BAZ1A: variants seen among roughly 807,000 people sequenced by gnomAD.
BAZ1A encodes the protein bromodomain adjacent to zinc finger domain protein 1A.
A neutral mutation model predicts 185.2 loss-of-function variants in BAZ1A; 50 were observed. That is an observed-to-expected ratio of 0.27 (90% CI 0.22 to 0.34). BAZ1A has a LOEUF of 0.34. Ranked by LOEUF, BAZ1A falls within the 10% of genes least tolerant of loss-of-function variation. BAZ1A has a pLI of 1.00. For missense variants in BAZ1A, 1,356 were observed against 1,839.9 expected (o/e 0.74, Z 4.81); for synonymous variants, 571 against 615.6 (o/e 0.93, Z 1.07).
Position 34,773,670 on chromosome 14 carries a change from TA to T in BAZ1A, c.3053del (p.Leu1018Ter), listed in dbSNP as rs1215836148. 1 of 1,613,734 alleles carries T rather than the reference TA, an allele frequency of 6.2e-7. No homozygotes were observed. Among genetic ancestry groups the T allele is most frequent in the Non-Finnish European group, 8.5e-7 (1 of 1,179,840 alleles). ...SALESGRYEL[L>X]SEENKENGII... Reference sequence around the variant, plus strand: ...TCCCATTTTCCTTGTTTTCCTCACTTAACAGCTCATACCGTCCACTTTCTAA... The same window carrying T: ...TCCCATTTTCCTTGTTTTCCTCACTTACAGCTCATACCGTCCACTTTCTAA... On this transcript the variant is annotated frameshift_variant, in exon 20 of 27. Coordinates refer to ENST00000360310, the MANE Select transcript of BAZ1A (RefSeq NM_013448.3). LOFTEE classifies it high-confidence loss of function.
At chr14:34,795,807 T>G in intron 9 of BAZ1A, 42 bp from the exon 10 acceptor site, 1 of 1,460,156 alleles carries the variant, frequency 6.8e-7, no homozygotes, top group Non-Finnish European at 9.5e-7. Context: ...TGTAAGAAAT[T>G]TATATGGCAG....
chr14:34,781,112 T>G (rs891933179), intron 16 of BAZ1A, among the ~76,000 whole-genome samples: 2 of 152,236 alleles, frequency 1.3e-5, no homozygotes, highest in African/African-American at 4.8e-5. Context: ...TGAAATAAAT[T>G]ACACCATTAT....
intron 6 of BAZ1A, among the ~76,000 whole-genome samples, chr14:34,805,203 CTCTTT>C (rs773621495): frequency 3.3e-5 from 5 of 152,194 alleles, no homozygotes; most frequent in Admixed American, 6.5e-5. Context: ...CCGATTAAAC[CTCTTT>C]TCTTTATGAA....
chr14:34,862,117 C>A lies in BAZ1A; in HGVS notation c.319G>T (p.Asp107Tyr), dbSNP rs766543363. Residue 107 changes from aspartate to tyrosine, a missense_variant, in exon 3 of 27, where the codon GAT becomes TAT. Around this residue, in one of 7 missense-constraint regions of BAZ1A, gnomAD observed 332 missense variants for 395.3 expected, o/e 0.84. Coordinates refer to ENST00000360310, the MANE Select transcript of BAZ1A (RefSeq NM_013448.3). ...HRSRLHEICD[D>Y]IFAYVKDRYF... ...CGATCCTTGACATATGCAAAGATAT[C>A]ATCACAAATTTCATGTAAGCGCGAA... The A allele has an allele frequency of 1.3e-5, 21 of 1,614,156 alleles. 1 individual carries two copies. Among genetic ancestry groups the A allele is most frequent in the Non-Finnish European group, 1.5e-5 (18 of 1,180,012 alleles).
intron 9 of BAZ1A, 117 bp downstream of exon 9, chr14:34,800,107 C>T: frequency 2.9e-6 from 3 of 1,031,790 alleles, no homozygotes; most frequent in Non-Finnish European, 3.9e-6. Flanking sequence ...ACTTTCTATG[C>T]ACATTCATAA....
intron 3 of BAZ1A, among the ~76,000 whole-genome samples, chr14:34,829,588 T>G (rs1594882977): frequency 6.6e-6 from 1 of 152,158 alleles, no homozygotes; most frequent in Non-Finnish European, 1.5e-5. Flanking sequence ...ATATTGTCTC[T>G]CCACTTCCCT....
intron 4 of BAZ1A, among the ~76,000 whole-genome samples, chr14:34,820,255 A>G (rs1456430266): frequency 1.3e-5 from 2 of 150,860 alleles, no homozygotes; most frequent in Non-Finnish European, 2.9e-5. Context: ...CCTCCCGAGT[A>G]GCTGGGACTA....
chr14:34,825,685 C>T (rs1050159091), intron 4 of BAZ1A, among the ~76,000 whole-genome samples: 1 of 152,034 alleles, frequency 6.6e-6, no homozygotes, highest in Non-Finnish European at 1.5e-5. Context: ...TGCCTGTAAT[C>T]CCAGCACTTT....
rs148740857 is a variant in BAZ1A, at chr14:34,775,898, C to T, written c.2833+21G>A. The T allele has an allele frequency of 2.1e-4, 328 of 1,547,488 alleles. No individual in the cohort carries two copies. The African/African-American group carries it at 3.8e-3, about 18-fold the overall frequency. Reference sequence around the variant, plus strand: ...TAGGGGGAGGGAAAAAAAGTAAAAACAATTTTCATTGAAAATTTACCTGAA... The same window carrying T: ...TAGGGGGAGGGAAAAAAAGTAAAAATAATTTTCATTGAAAATTTACCTGAA... On this transcript the variant is annotated intron_variant, in intron 18 of 26. Coordinates refer to ENST00000360310, the MANE Select transcript of BAZ1A (RefSeq NM_013448.3).
intron 2 of BAZ1A, among the ~76,000 whole-genome samples, chr14:34,866,958 CT>C (rs1277001120): frequency 3.4e-4 from 29 of 86,426 alleles, no homozygotes; most frequent in African/African-American, 9.9e-4. Context: ...TTACATTCTT[CT>C]TTAAAAAAAA....
At chr14:34,769,126 G>T (rs767741191) in intron 21 of BAZ1A, among the ~76,000 whole-genome samples, 1 of 152,078 alleles carries the variant, frequency 6.6e-6, no homozygotes, top group Non-Finnish European at 1.5e-5. Context: ...GGTGAATGGA[G>T]AATTTCGATA....
intron 3 of BAZ1A, among the ~76,000 whole-genome samples, chr14:34,850,796 T>C (rs564286548): frequency 1.4e-4 from 21 of 152,136 alleles, no homozygotes; most frequent in Non-Finnish European, 2.9e-4. Flanking sequence ...ATGTATTCCA[T>C]AGCCATTACT....
chr14:34,825,511 G>C (rs1483329215), intron 4 of BAZ1A, among the ~76,000 whole-genome samples: 2 of 148,274 alleles, frequency 1.3e-5, no homozygotes, highest in Admixed American at 1.3e-4. Flanking sequence ...ACTGAATGAG[G>C]CTCTTCAACA....
chr14:34,812,997 T>A (rs533741461), intron 4 of BAZ1A, among the ~76,000 whole-genome samples: 6 of 152,278 alleles, frequency 3.9e-5, no homozygotes, highest in Admixed American at 3.9e-4. Context: ...ACCAAGTTAA[T>A]TTCACAACCT....
chr14:34,832,405 C>G (rs1379374830), intron 3 of BAZ1A, among the ~76,000 whole-genome samples: 9 of 149,440 alleles, frequency 6.0e-5, no homozygotes, highest in African/African-American at 2.2e-4. Flanking sequence ...ACCCTGATAC[C>G]CAGGCAGACA....
chr14:34,773,733 C>A lies in BAZ1A; in HGVS notation c.2998-7G>T. On this transcript the variant is annotated splice_polypyrimidine_tract_variant and splice_region_variant and intron_variant, in intron 19 of 26. Coordinates refer to ENST00000360310, the MANE Select transcript of BAZ1A (RefSeq NM_013448.3). ...AGATATGTCGATCTGTAACCTGTAA[C>A]AAAATTCAAACTTACTAACCATGAA... The A allele has an allele frequency of 6.2e-7, 1 of 1,612,696 alleles. No individual in the cohort carries two copies. The highest frequency in any genetic ancestry group is 8.5e-7 in the Non-Finnish European group (1 of 1,179,624).
At chr14:34,784,730 G>A (rs111418762) in intron 14 of BAZ1A, among the ~76,000 whole-genome samples, 44,937 of 151,762 alleles carry the variant, frequency 0.3, 6,913 homozygotes, top group Admixed American at 0.39. Context: ...GTGTTAGCCA[G>A]GGTGGTCTCG....
rs1345558667 is a variant in BAZ1A at position 34,874,584 on chromosome 14, C to G, written c.21G>C (p.Lys7Asn). 6.2e-7 allele frequency: 1 copy of G among 1,610,432 alleles called. No individual in the cohort carries two copies. The highest frequency in any genetic ancestry group is 8.5e-7 in the Non-Finnish European group (1 of 1,178,508). Residue 7 changes from lysine to asparagine, a missense_variant, in exon 2 of 27, where the codon AAG becomes AAC. Physicochemically the swap from Lys to Asn is moderately conservative, Grantham distance 94. This residue lies in a region of BAZ1A where 332 missense variants were observed against 395.3 expected (regional missense o/e 0.84). Transcript: ENST00000360310. The surrounding 1 kb of genome is among the most constrained non-coding windows in gnomAD (Gnocchi z 4.7). Reference sequence around the variant, plus strand: ...CGGGCGGCTTCTGTCTCACAAACGGCTTTCGGTGTAGCAGCGGCATCTCCC... The same window carrying G: ...CGGGCGGCTTCTGTCTCACAAACGGGTTTCGGTGTAGCAGCGGCATCTCCC... MPLLHR[K>N]PFVRQKPPAD...
In BAZ1A at chr14:34,753,598, A is replaced by G. The variant is rs762849911; in HGVS notation, c.4581T>C (p.His1527=). Residue 1527 remains histidine (H), a synonymous_variant, in exon 27 of 27, where the codon CAT becomes CAC. Coordinates refer to ENST00000360310, the MANE Select transcript of BAZ1A (RefSeq NM_013448.3). ...KAGTRLQAFF[H]IQAQKLGLHV... Reference sequence around the variant, plus strand: ...GGAGTCCAAGCTTTTGAGCCTGAATATGAAAAAATGCTTGAAGCCTAGTTC... The same window carrying G: ...GGAGTCCAAGCTTTTGAGCCTGAATGTGAAAAAATGCTTGAAGCCTAGTTC... The G allele has an allele frequency of 6.2e-7, 1 of 1,614,158 alleles. No homozygotes were observed. The highest frequency in any genetic ancestry group is 1.1e-5 in the South Asian group (1 of 91,088).
Sources: gnomAD v4.1 joint callset for allele counts (sites outside exome capture counted in the v4.1 genomes callset) on GRCh38, gnomAD v4.1.1 for gene constraint, gnomAD v4.1.1 regional missense constraint, Gnocchi (gnomAD v3.1) non-coding constraint, MANE v1.5 for transcripts, NCBI Gene and HGNC (gene_info 2026-07-23, HGNC 2026-07-21) for gene names.